ZSWIM5: variants seen among roughly 807,000 people sequenced by gnomAD.
The protein encoded by ZSWIM5 is zinc finger SWIM domain-containing protein 5.
In ZSWIM5, 55 loss-of-function variants were observed where a neutral mutation model predicts 119.6. The ratio of observed to expected loss-of-function variants is 0.46; its 90% CI spans 0.37 to 0.58. The LOEUF is 0.58. ZSWIM5 is among the 20% of genes least tolerant of loss of function. The pLI, the probability that ZSWIM5 is intolerant of heterozygous loss-of-function variation, is 0.00. For synonymous variants in ZSWIM5, 537 were observed against 606.9 expected (o/e 0.88, Z 1.69); for missense variants, 1,193 against 1,512.8 (o/e 0.79, Z 3.51).
Position 45,016,579 on chromosome 1 carries a change from G to C in ZSWIM5, c.*1875C>G, listed in dbSNP as rs1278919142. On this transcript the variant is annotated 3_prime_UTR_variant, in exon 14 of 14. Transcript: ENST00000359600. ...CCCTTGGCTGGACAGTAAGACTTGA[G>C]TAGCCACAAATGGCAAATACAACTT... 6.6e-6 allele frequency: 1 copy of C among 152,158 alleles called. No individual in the cohort carries two copies. Among genetic ancestry groups the C allele is most frequent in the Admixed American group, 6.5e-5 (1 of 15,272 alleles). 9.4% of individuals were successfully genotyped at this position (152,158 alleles called of 1,614,324 possible). A position where few individuals can be genotyped will look rare whatever the true frequency, so the allele number is the denominator to read the frequency against.
Position 45,117,670 on chromosome 1 carries a change from CA to C in ZSWIM5, c.596-29434del, listed in dbSNP as rs561512925. ...TGGTTAACAGAGAGAGACCTTGTTT[CA>C]AAAAAAAGTAACAAGGAGGTCATCC... is the stretch of plus-strand genomic sequence containing the variant. On this transcript the variant is annotated intron_variant, in intron 1 of 13. Transcript: ENST00000359600. Among the ~76,000 whole-genome samples, 20 of 150,232 alleles carry C rather than the reference CA, an allele frequency of 1.3e-4. 1 individual carries two copies. Among genetic ancestry groups the C allele is most frequent in the Admixed American group, 1.1e-3 (17 of 15,138 alleles).
chr1:45,056,661 C>T (rs1417701340), intron 4 of ZSWIM5, among the ~76,000 whole-genome samples: 2 of 151,746 alleles, frequency 1.3e-5, no homozygotes, highest in Admixed American at 6.6e-5. Flanking sequence ...GGAAATGATC[C>T]TGTAGAGAGA....
intron 2 of ZSWIM5, among the ~76,000 whole-genome samples, chr1:45,068,792 C>CTTTTTTTTTT (rs758235271): frequency 2.1e-5 from 1 of 46,730 alleles, no homozygotes. Flanking sequence ...TGTTGTATGT[C>CTTTTTTTTTT]TTTTTTTTTT....
Position 45,088,010 on chromosome 1 carries a change from T to C in ZSWIM5, c.823A>G (p.Met275Val), listed in dbSNP as rs1645341920. The C allele has an allele frequency of 7.4e-6, 12 of 1,614,202 alleles. No individual in the cohort carries two copies. Among genetic ancestry groups the C allele is most frequent in the Non-Finnish European group, 1.0e-5 (12 of 1,180,014 alleles). ...AACTTTTGTAGCTGGTCCCTATTCA[T>C]CTGGAAAAGGGTTTCGGAGATAGGA... ...RLPISETLFQ[M>V]NRDQLQKFIQ... The change falls in exon 2 of 14, where the codon ATG becomes GTG. Residue 275 changes from methionine (M) to valine (V), a missense_variant. This residue lies in a region of ZSWIM5 where 961 missense variants were observed against 1,290.0 expected (regional missense o/e 0.74). Transcript: ENST00000359600. The surrounding 1 kb of genome is among the most constrained non-coding windows in gnomAD (Gnocchi z 4.2).
At position 45,030,051 on chromosome 1, in the gene ZSWIM5, C is replaced by T. The variant is rs193232302; in HGVS notation, c.2449+4261G>A. Among the ~76,000 whole-genome samples, 206 of 152,192 alleles carry T rather than the reference C, an allele frequency of 1.4e-3. 1 individual carries two copies. The highest frequency in any genetic ancestry group is 2.7e-3 in the Non-Finnish European group (182 of 68,004). ...CCTCAAACTTCTGGGCTCAAGCAATCCTCTTGCTTTAGCCTCCTGAGTAGC... is the reference window on the plus strand; with the variant it reads ...CCTCAAACTTCTGGGCTCAAGCAATTCTCTTGCTTTAGCCTCCTGAGTAGC... On this transcript the variant is annotated intron_variant, in intron 11 of 13. Coordinates refer to ENST00000359600, the MANE Select transcript of ZSWIM5 (RefSeq NM_020883.2).
At chr1:45,044,474 A>G (rs1444166218) in intron 5 of ZSWIM5, among the ~76,000 whole-genome samples, 2 of 151,100 alleles carry the variant, frequency 1.3e-5, no homozygotes, top group Non-Finnish European at 2.9e-5. Context: ...CTGTAATCCC[A>G]GAGCTTTGGG....
Position 45,048,169 on chromosome 1 carries a change from G to A in ZSWIM5, c.1432+2905C>T, listed in dbSNP as rs1645068636. On this transcript the variant is annotated intron_variant, in intron 5 of 13. Transcript: ENST00000359600. ...CATGACCGTGGCTCATTGAAGCCTT[G>A]ACCTCCTGGGCTCAAGCAATCCACG... is the stretch of plus-strand genomic sequence containing the variant. 2.1e-5 allele frequency among the ~76,000 whole-genome samples: 3 copies of A among 139,744 alleles called. No individual in the cohort carries two copies. The South Asian group carries it at 6.8e-4, about 32-fold the overall frequency. The allele number at this position is 139,744 out of a possible 152,430, so 91.7% of individuals were successfully genotyped here.
intron 1 of ZSWIM5, among the ~76,000 whole-genome samples, chr1:45,200,279 A>G (rs1311993800): frequency 1.3e-5 from 2 of 152,184 alleles, no homozygotes; most frequent in Non-Finnish European, 2.9e-5. Context: ...ATAATCACAT[A>G]ATACTACAGC....
chr1:45,143,171 C>CAA (rs60638239), intron 1 of ZSWIM5, among the ~76,000 whole-genome samples: 3,945 of 60,446 alleles, frequency 0.065, 112 homozygotes, highest in Non-Finnish European at 0.075. Context: ...GACTCTGTCT[C>CAA]AAAAAAAAAA....
chr1:45,060,121 T>G lies in ZSWIM5; in HGVS notation c.1079A>C (p.Gln360Pro). 1 of 1,614,212 alleles carries G rather than the reference T, an allele frequency of 6.2e-7. No homozygotes were observed. Among genetic ancestry groups the G allele is most frequent in the Non-Finnish European group, 8.5e-7 (1 of 1,180,030 alleles). ...TACCTTGGCAAACATTGAGTTGAGT[T>G]GCTTTCCAGAGCCACAGTAACCGCC... ...SQGGYCGSGKQLNSMFAKVRE... is the reference protein window; with the variant it reads ...SQGGYCGSGKPLNSMFAKVRE... Residue 360 changes from glutamine (Q) to proline (P), a missense_variant, in exon 3 of 14, where the codon CAA (glutamine) becomes CCA (proline). By Grantham distance (76) the Gln-to-Pro change is moderately conservative (BLOSUM62 -1). Transcript: ENST00000359600.
intron 11 of ZSWIM5, among the ~76,000 whole-genome samples, chr1:45,030,015 G>T (rs1644942594): frequency 6.6e-6 from 1 of 152,096 alleles, no homozygotes; most frequent in Non-Finnish European, 1.5e-5. Flanking sequence ...TGGCACGATA[G>T]CTCACTGTAA....
chr1:45,039,015 G>T lies in ZSWIM5; in HGVS notation c.1815C>A (p.Pro605=), dbSNP rs370621832. The change falls in exon 8 of 14, where the codon CCC becomes CCA. Residue 605 remains proline (P), a synonymous_variant. Coordinates refer to ENST00000359600, the MANE Select transcript of ZSWIM5 (RefSeq NM_020883.2). ...ITNLEGWVGH[P]LDPIDCLFLT... ...GAAACAGGCAGTCGATGGGATCCAG[G>T]GGGTGGCCCACCCAGCCCTCCAGGT... The T allele has an allele frequency of 1.2e-5, 19 of 1,614,122 alleles. No homozygotes were observed. In the East Asian group the frequency reaches 2.5e-4, roughly 21 times the overall value.
chr1:45,204,731 A>T lies in ZSWIM5; in HGVS notation c.595+1025T>A, dbSNP rs192115469. The stretch of plus-strand genomic sequence containing the variant: ...CCTTCAACTCCTTTCAAAAATCAGT[A>T]TTTTCTTCAATTAATACGAGCATAT... On this transcript the variant is annotated intron_variant, in intron 1 of 13. Coordinates refer to ENST00000359600, the MANE Select transcript of ZSWIM5 (RefSeq NM_020883.2). Among the ~76,000 whole-genome samples the T allele has an allele frequency of 2.6e-4, 40 of 152,286 alleles. 2 individuals are homozygous for T. The South Asian group carries it at 7.9e-3, about 30-fold the overall frequency.
rs186408168 is a variant in ZSWIM5 at position 45,034,436 on chromosome 1, G to A, written c.2325C>T (p.Gly775=). ...CCATATGGTGAGGGTGGGATGTGTC[G>A]CCTGCAGAAGCTGAGTTTTCTAAAA... is the stretch of plus-strand genomic sequence containing the variant. ...LPVLENSASA[G]DTSHPHHMVS... The change falls in exon 11 of 14, where the codon GGC becomes GGT. Residue 775 remains glycine (G), a synonymous_variant. Transcript: ENST00000359600. 16 of 1,611,122 alleles carry A rather than the reference G, an allele frequency of 9.9e-6. No homozygotes were observed. Among genetic ancestry groups the A allele is most frequent in the Admixed American group, 1.7e-5 (1 of 59,416 alleles).
intron 11 of ZSWIM5, among the ~76,000 whole-genome samples, chr1:45,024,890 GA>G (rs1313506015): frequency 1.3e-5 from 2 of 151,908 alleles, no homozygotes; most frequent in Non-Finnish European, 1.5e-5. Flanking sequence ...CCTGACCTCA[GA>G]TGATCTGCCC....
intron 7 of ZSWIM5, among the ~76,000 whole-genome samples, chr1:45,040,134 G>T (rs1645010711): frequency 6.6e-6 from 1 of 152,186 alleles, no homozygotes; most frequent in African/African-American, 2.4e-5. Flanking sequence ...CACCATGCCT[G>T]TCCACAGCTT....
Position 45,205,841 on chromosome 1 carries a change from C to T in ZSWIM5, c.510G>A (p.Ala170=). ...GGAGCCCCTCGCCACCGCAGCCGGCCGCGCCGGCCCCTGCGCCCAGCCCGG... is the reference window on the plus strand; with the variant it reads ...GGAGCCCCTCGCCACCGCAGCCGGCTGCGCCGGCCCCTGCGCCCAGCCCGG... ...ASPGLGAGAG[A]AGCGGEGLPF... The change falls in exon 1 of 14, where the codon GCG becomes GCA. Residue 170 remains alanine (A), a synonymous_variant. Transcript: ENST00000359600. The T allele has an allele frequency of 3.4e-6, 5 of 1,481,868 alleles. No homozygotes were observed. The highest frequency in any genetic ancestry group is 4.5e-6 in the Non-Finnish European group (5 of 1,115,004). The allele number at this position is 1,481,868 out of a possible 1,614,324, so 91.8% of individuals were successfully genotyped here. A position where few individuals can be genotyped will look rare whatever the true frequency, so the allele number is the denominator to read the frequency against.
At position 45,206,423 on chromosome 1, in the gene ZSWIM5, CGCGCCCCGCGCAA is replaced by C. The variant is rs1646192737; in HGVS notation, c.-86_-74del. ...GCGGCGGAGACCCTGGCCACGGCCA[CGCGCCCCGCGCAA>C]GCGCCCAGCGGTGGCGCCGAGGGGG... On this transcript the variant is annotated 5_prime_UTR_variant, in exon 1 of 14. Coordinates refer to ENST00000359600, the MANE Select transcript of ZSWIM5 (RefSeq NM_020883.2). 2 of 1,264,406 alleles carry C rather than the reference CGCGCCCCGCGCAA, an allele frequency of 1.6e-6. No homozygotes were observed. The highest frequency in any genetic ancestry group is 1.6e-5 in the African/African-American group (1 of 64,452). 78.3% of individuals were successfully genotyped at this position (1,264,406 alleles called of 1,614,324 possible). A position where few individuals can be genotyped will look rare whatever the true frequency, so the allele number is the denominator to read the frequency against.
intron 1 of ZSWIM5, among the ~76,000 whole-genome samples, chr1:45,105,186 G>A (rs555912937): frequency 2.0e-5 from 3 of 152,092 alleles, no homozygotes; most frequent in African/African-American, 4.8e-5. Flanking sequence ...TCCTGGCCTC[G>A]GGTGATCTCC....
Sources: gnomAD v4.1 joint callset for allele counts (sites outside exome capture counted in the v4.1 genomes callset) on GRCh38, gnomAD v4.1.1 for gene constraint, gnomAD v4.1.1 regional missense constraint, Gnocchi (gnomAD v3.1) non-coding constraint, MANE v1.5 for transcripts, NCBI Gene and HGNC (gene_info 2026-07-23, HGNC 2026-07-21) for gene names.